Variants in SIPA1L3 observed in about 807,000 individuals in gnomAD.
SIPA1L3 encodes signal induced proliferation associated 1 like 3.
SIPA1L3 carries 59 observed loss-of-function variants against 150.1 expected under a neutral mutation model. The observed-to-expected ratio is 0.39, with a 90% CI of 0.32 to 0.49. SIPA1L3 has a LOEUF of 0.49. Ranked by LOEUF, SIPA1L3 falls within the 20% of genes least tolerant of loss-of-function variation. The pLI, the probability that SIPA1L3 is intolerant of heterozygous loss-of-function variation, is 0.86. For synonymous variants in SIPA1L3, 1,070 were observed against 1,077.6 expected (o/e 0.99, Z 0.14); for missense variants, 2,211 against 2,489.5 (o/e 0.89, Z 2.38).
chr19:38,182,769 C>T, intron 16 of SIPA1L3, 29 bp downstream of exon 16: 2 of 1,563,042 alleles, frequency 1.3e-6, no homozygotes, highest in Non-Finnish European at 8.8e-7. Flanking sequence ...AGCGAGGCGC[C>T]CGCCAGATCC....
intron 2 of SIPA1L3, among the ~76,000 whole-genome samples, chr19:38,050,004 G>A (rs1207232906): frequency 6.6e-6 from 1 of 152,258 alleles, no homozygotes; most frequent in East Asian, 1.9e-4. Flanking sequence ...TTCTGGAGCC[G>A]GTGACCTGCG....
chr19:37,937,745 A>AAAAAAAAAAAAAG (rs2145514698), intron 1 of SIPA1L3, among the ~76,000 whole-genome samples: 1 of 119,938 alleles, frequency 8.3e-6, no homozygotes, highest in African/African-American at 3.2e-5. Flanking sequence ...CTGTCTCAAA[A>AAAAAAAAAAAAAG]AAAAAAAAAA....
At chr19:37,978,787 C>A (rs1967132545) in intron 1 of SIPA1L3, among the ~76,000 whole-genome samples, 1 of 151,800 alleles carries the variant, frequency 6.6e-6, no homozygotes. Flanking sequence ...CTAGCCTGGA[C>A]AACATAGTGA....
chr19:38,135,349 C>G (rs1284281180), intron 10 of SIPA1L3, among the ~76,000 whole-genome samples: 2 of 152,166 alleles, frequency 1.3e-5, no homozygotes, highest in Non-Finnish European at 2.9e-5. Context: ...GGTTCCCAGC[C>G]CTTTTCTCCT....
chr19:37,979,142 C>T (rs192698352), intron 1 of SIPA1L3, among the ~76,000 whole-genome samples: 4 of 151,996 alleles, frequency 2.6e-5, no homozygotes, highest in South Asian at 2.1e-4. Context: ...AGCCTGCGGG[C>T]GAGATCCAAC....
chr19:37,991,312 C>T (rs1390445005), intron 1 of SIPA1L3, among the ~76,000 whole-genome samples: 1 of 152,204 alleles, frequency 6.6e-6, no homozygotes, highest in Non-Finnish European at 1.5e-5. Flanking sequence ...GAACCCAGGC[C>T]ATCTGGCTTC....
chr19:37,986,203 C>T (rs952821653), intron 1 of SIPA1L3, among the ~76,000 whole-genome samples: 4 of 152,202 alleles, frequency 2.6e-5, no homozygotes, highest in Admixed American at 6.5e-5. Flanking sequence ...GCTTAAACTC[C>T]GGCTTCCCCA....
intron 6 of SIPA1L3, among the ~76,000 whole-genome samples, chr19:38,105,616 C>T (rs1397758948): frequency 6.6e-6 from 1 of 152,206 alleles, no homozygotes; most frequent in Non-Finnish European, 1.5e-5. Context: ...TACTTACCTA[C>T]ACATCCCTGA....
intron 1 of SIPA1L3, among the ~76,000 whole-genome samples, chr19:38,008,217 CTTTT>C (rs35422339): frequency 8.0e-5 from 4 of 50,092 alleles, no homozygotes; most frequent in African/African-American, 1.5e-4. Flanking sequence ...CCATAGGCTG[CTTTT>C]TTTTTTTTTT....
chr19:38,152,775 G>C lies in SIPA1L3; in HGVS notation c.3534-65G>C. On this transcript the variant is annotated intron_variant, in intron 12 of 21. Coordinates refer to ENST00000222345, the MANE Select transcript of SIPA1L3 (RefSeq NM_015073.3). ...CACTGGCGAGCAAGGCTCAGGCTCA[G>C]GCTCAGGTGGTTTTCGACATAGGCT... 3 of 1,531,610 alleles carry C rather than the reference G, an allele frequency of 2.0e-6. No homozygotes were observed. In the South Asian group the frequency reaches 3.9e-5, roughly 20 times the overall value. 94.9% of individuals were successfully genotyped at this position (1,531,610 alleles called of 1,614,324 possible).
chr19:38,135,911 G>A (rs144077178), intron 10 of SIPA1L3, among the ~76,000 whole-genome samples: 116 of 152,062 alleles, frequency 7.6e-4, no homozygotes, highest in South Asian at 1.5e-3. Context: ...GAGCAGTGAG[G>A]ACGGGATAGA....
At chr19:38,142,547 C>G (rs908511677) in intron 11 of SIPA1L3, 26 bp from the exon 12 acceptor site, 1 of 1,587,674 alleles carries the variant, frequency 6.3e-7, no homozygotes, top group African/African-American at 1.3e-5. Context: ...CACCCTCTGC[C>G]TCCTTCCTCC....
At chr19:38,030,642 A>ATATATATATATGTATATATATATG (rs1555778714) in intron 2 of SIPA1L3, among the ~76,000 whole-genome samples, 25 of 75,326 alleles carry the variant, frequency 3.3e-4, no homozygotes, top group African/African-American at 9.4e-4. Context: ...ATATATATAT[A>ATATATATATATGTATATATATATG]TATATATATG....
intron 9 of SIPA1L3, among the ~76,000 whole-genome samples, chr19:38,129,509 C>G (rs1299019333): frequency 6.6e-6 from 1 of 152,032 alleles, no homozygotes; most frequent in Non-Finnish European, 1.5e-5. Context: ...CCTGTAATCC[C>G]TGCTACTGGG....
At chr19:38,152,369 A>T (rs553730875) in intron 12 of SIPA1L3, among the ~76,000 whole-genome samples, 10 of 152,204 alleles carry the variant, frequency 6.6e-5, no homozygotes, top group Non-Finnish European at 1.2e-4. Flanking sequence ...GCAAGAGGCC[A>T]TGGTGAGCTT....
intron 19 of SIPA1L3, among the ~76,000 whole-genome samples, chr19:38,199,610 GA>G (rs747406015): frequency 3.2e-3 from 481 of 151,874 alleles, no homozygotes; most frequent in Non-Finnish European, 5.0e-3. Flanking sequence ...GGTTACGGGG[GA>G]GAGGGGGGAG....
intron 1 of SIPA1L3, among the ~76,000 whole-genome samples, chr19:37,911,273 C>T (rs553096320): frequency 4.3e-5 from 6 of 138,348 alleles, no homozygotes; most frequent in African/African-American, 1.4e-4. Flanking sequence ...GTGTGTGTAT[C>T]GACTGTTTTC....
At chr19:38,061,044 T>C (rs1435739846) in intron 2 of SIPA1L3, among the ~76,000 whole-genome samples, 1 of 152,088 alleles carries the variant, frequency 6.6e-6, no homozygotes, top group Middle Eastern at 3.2e-3. Context: ...GAATTAGTAC[T>C]TCTTGGGGTT....
Position 38,141,438 on chromosome 19 carries a change from A to C in SIPA1L3, c.3395+3A>C. 8 of 1,605,818 alleles carry C rather than the reference A, an allele frequency of 5.0e-6. No homozygotes were observed. The highest frequency in any genetic ancestry group is 6.8e-6 in the Non-Finnish European group (8 of 1,179,414). On this transcript the variant is annotated splice_donor_region_variant and intron_variant, in intron 11 of 21. Coordinates refer to ENST00000222345, the MANE Select transcript of SIPA1L3 (RefSeq NM_015073.3). Reference sequence around the variant, plus strand: ...TCCCAGCCACTGCACAGCAAGAGGTAAGCACCTGCTGGGGGGACCAATACT... The same window carrying C: ...TCCCAGCCACTGCACAGCAAGAGGTCAGCACCTGCTGGGGGGACCAATACT...
Sources: gnomAD v4.1 joint callset for allele counts (sites outside exome capture counted in the v4.1 genomes callset) on GRCh38, gnomAD v4.1.1 for gene constraint, MANE v1.5 for transcripts, NCBI Gene and HGNC (gene_info 2026-07-23, HGNC 2026-07-21) for gene names.